SHISA6: variants seen among roughly 807,000 people sequenced by gnomAD.
SHISA6 encodes the protein protein shisa-6.
Under a neutral mutation model 47.9 loss-of-function variants are expected in SHISA6, and 22 were observed. The observed-to-expected ratio is 0.46, with a 90% confidence interval of 0.33 to 0.66. SHISA6 has a LOEUF of 0.66. Among genes scored for constraint, SHISA6 ranks in the 30% least tolerant of loss-of-function variants. SHISA6 has a pLI of 0.02. For synonymous variants in SHISA6, 388 were observed against 337.8 expected (o/e 1.15, Z -1.63); for missense variants, 680 against 764.6 (o/e 0.89, Z 1.30).
chr17:11,289,804 A>G (rs1305614174), intron 2 of SHISA6: 1 of 151,988 alleles, frequency 6.6e-6, no homozygotes, highest in African/African-American at 2.4e-5. Context: ...TTTGTTTTGT[A>G]TCACTGAGTG....
intron 3 of SHISA6, among the ~76,000 whole-genome samples, chr17:11,440,148 A>C (rs560395806): frequency 6.6e-6 from 1 of 152,308 alleles, no homozygotes; most frequent in South Asian, 2.1e-4. Flanking sequence ...AGAAACAAGA[A>C]AGACCAAGAT....
chr17:11,361,190 GT>G (rs1555530646), intron 2 of SHISA6, among the ~76,000 whole-genome samples: 1 of 149,042 alleles, frequency 6.7e-6, no homozygotes, highest in South Asian at 2.1e-4. Flanking sequence ...CCCTACGTTA[GT>G]TTTTTTTTCC....
intron 3 of SHISA6, among the ~76,000 whole-genome samples, chr17:11,392,123 A>C (rs1913404969): frequency 6.6e-6 from 1 of 152,144 alleles, no homozygotes; most frequent in Admixed American, 6.5e-5. Flanking sequence ...CTTGAATAGG[A>C]TTGATGTCAG....
At chr17:11,336,030 C>T (rs953065619) in intron 2 of SHISA6, among the ~76,000 whole-genome samples, 4 of 138,202 alleles carry the variant, frequency 2.9e-5, no homozygotes, top group Non-Finnish European at 6.1e-5. Context: ...GAAACCCCGT[C>T]TCTACTTAAA....
chr17:11,353,711 A>G (rs561354815), intron 2 of SHISA6, among the ~76,000 whole-genome samples: 2 of 152,288 alleles, frequency 1.3e-5, no homozygotes, highest in African/African-American at 2.4e-5. Flanking sequence ...AAACAGGAAG[A>G]AAAGATGCTT....
intron 2 of SHISA6, among the ~76,000 whole-genome samples, chr17:11,354,695 A>G (rs1255301449): frequency 1.3e-5 from 2 of 152,234 alleles, no homozygotes; most frequent in African/African-American, 4.8e-5. Flanking sequence ...CAGAGGGTAC[A>G]GCAGCTAATG....
intron 3 of SHISA6, among the ~76,000 whole-genome samples, chr17:11,470,005 G>A (rs2142320956): frequency 6.6e-6 from 1 of 152,274 alleles, no homozygotes; most frequent in East Asian, 1.9e-4. Flanking sequence ...ACACCAGAGG[G>A]CTCTCTCTTT....
At chr17:11,285,728 C>G (rs767092990) in intron 2 of SHISA6, among the ~76,000 whole-genome samples, 3 of 152,054 alleles carry the variant, frequency 2.0e-5, no homozygotes, top group Non-Finnish European at 4.4e-5. Context: ...ATTAGCGTAG[C>G]TGGGAAAGGG....
At chr17:11,416,482 A>G (rs1914286049) in intron 3 of SHISA6, among the ~76,000 whole-genome samples, 1 of 152,184 alleles carries the variant, frequency 6.6e-6, no homozygotes, top group African/African-American at 2.4e-5. Flanking sequence ...AAATGTCTGC[A>G]GAACTGTATG....
intron 3 of SHISA6, among the ~76,000 whole-genome samples, chr17:11,508,097 T>C (rs2071515302): frequency 6.6e-6 from 1 of 152,248 alleles, no homozygotes; most frequent in Non-Finnish European, 1.5e-5. Flanking sequence ...TCCAAGGTTT[T>C]GGAGGCAGCA....
At chr17:11,522,073 C>A (rs928510158) in intron 3 of SHISA6, among the ~76,000 whole-genome samples, 1 of 151,912 alleles carries the variant, frequency 6.6e-6, no homozygotes, top group African/African-American at 2.4e-5. Context: ...TCATGCCATC[C>A]TCCTGCCTCA....
At chr17:11,318,004 T>C (rs1389237099) in intron 2 of SHISA6, among the ~76,000 whole-genome samples, 2 of 152,198 alleles carry the variant, frequency 1.3e-5, no homozygotes, top group African/African-American at 4.8e-5. Flanking sequence ...CACTTCTGCA[T>C]TGGATTATTT....
intron 3 of SHISA6, among the ~76,000 whole-genome samples, chr17:11,520,176 T>TA (rs1219483565): frequency 6.6e-6 from 1 of 152,228 alleles, no homozygotes; most frequent in Non-Finnish European, 1.5e-5. Flanking sequence ...CATCAACACT[T>TA]AGATGTTCCA....
chr17:11,454,571 T>C (rs1915486202), intron 3 of SHISA6, among the ~76,000 whole-genome samples: 3 of 152,102 alleles, frequency 2.0e-5, no homozygotes, highest in Admixed American at 1.3e-4. Flanking sequence ...CTCCTGTGAG[T>C]TCCCAGACCA....
At chr17:11,264,015 A>G (rs79427304) in intron 2 of SHISA6, among the ~76,000 whole-genome samples, 2 of 152,140 alleles carry the variant, frequency 1.3e-5, no homozygotes, top group African/African-American at 4.8e-5. Flanking sequence ...GATTCCCTGG[A>G]TGTATGATGA....
At chr17:11,417,152 C>T (rs919655491) in intron 3 of SHISA6, among the ~76,000 whole-genome samples, 1 of 152,030 alleles carries the variant, frequency 6.6e-6, no homozygotes, top group African/African-American at 2.4e-5. Context: ...GATAACAGTT[C>T]ATTTATATTA....
At chr17:11,379,704 G>A (rs1015852749) in intron 3 of SHISA6, 195 bp downstream of exon 3, 9 of 450,960 alleles carry the variant, frequency 2.0e-5, no homozygotes, top group East Asian at 4.7e-5. Flanking sequence ...TTTAGAGGGC[G>A]ATAGACTTCC....
intron 2 of SHISA6, among the ~76,000 whole-genome samples, chr17:11,330,593 C>A (rs1911066900): frequency 6.6e-6 from 1 of 151,614 alleles, no homozygotes; most frequent in Non-Finnish European, 1.5e-5. Flanking sequence ...TTTGAGGTGT[C>A]CTAATCAAAG....
At chr17:11,489,275 G>A (rs1319005542) in intron 3 of SHISA6, among the ~76,000 whole-genome samples, 1 of 151,884 alleles carries the variant, frequency 6.6e-6, no homozygotes, top group Admixed American at 6.6e-5. Context: ...CTTTCATGTT[G>A]TTCTCCTTTT....
Sources: allele counts gnomAD v4.1 joint callset (sites outside exome capture counted in the v4.1 genomes callset), GRCh38; gene constraint gnomAD v4.1.1; transcripts MANE v1.5; gene names NCBI Gene and HGNC (gene_info 2026-07-23, HGNC 2026-07-21).